Variants in DGKE observed in about 807,000 individuals in gnomAD.
DGKE encodes DAG kinase epsilon.
In DGKE, 53 loss-of-function variants were observed where a neutral mutation model predicts 70.0. That is an observed-to-expected ratio of 0.76 (90% confidence interval 0.61 to 0.95). The LOEUF (loss-of-function observed/expected upper bound fraction) is 0.95, where lower values mean the gene tolerates loss of function less well. Among genes scored for constraint, DGKE ranks in the 40% least tolerant of loss-of-function variants. DGKE has a pLI of 0.00. For synonymous variants in DGKE, 291 were observed against 257.0 expected, an observed-to-expected ratio of 1.13 and a Z score of -1.27; for missense variants, 655 against 706.9, an observed-to-expected ratio of 0.93 and a Z score of 0.83.
intron 1 of DGKE, 119 bp from the exon 2 acceptor site, chr17:56,834,659 C>G: frequency 3.2e-6 from 3 of 945,780 alleles, no homozygotes; most frequent in Non-Finnish European, 4.8e-6. Context: ...CGCAGTCCCG[C>G]CCTCGGGAGA....
intron 3 of DGKE, 96 bp downstream of exon 3, chr17:56,844,274 GC>G: frequency 1.3e-6 from 1 of 781,476 alleles, no homozygotes; most frequent in Non-Finnish European, 1.8e-6. Flanking sequence ...AAGAATTGGT[GC>G]CAGGAATAAA....
At chr17:56,860,115 A>T (rs1178874080) in intron 9 of DGKE, among the ~76,000 whole-genome samples, 1 of 152,138 alleles carries the variant, frequency 6.6e-6, no homozygotes. Context: ...AAAAATACAA[A>T]TTATTTTTAA....
In DGKE at chr17:56,869,430, T is replaced by C. The variant is rs1908662166; in HGVS notation, c.*6639T>C. ...GATTTATCAGTAACGATCTGAAAAA[T>C]GTACTGTGGCATGTAACATCTTTTA... On this transcript the variant is annotated 3_prime_UTR_variant, in exon 12 of 12. Coordinates refer to ENST00000284061, the MANE Select transcript of DGKE (RefSeq NM_003647.3). The C allele has an allele frequency of 6.6e-6, 1 of 152,250 alleles. No individual in the cohort carries two copies. The highest frequency in any genetic ancestry group is 2.4e-5 in the African/African-American group (1 of 41,446). The allele number at this position is 152,250 out of a possible 1,614,324, so 9.4% of individuals were successfully genotyped here. A position where few individuals can be genotyped will look rare whatever the true frequency, so the allele number is the denominator to read the frequency against.
chr17:56,850,211 G>C (rs147547291), intron 7 of DGKE, among the ~76,000 whole-genome samples: 192 of 151,432 alleles, frequency 1.3e-3, no homozygotes, highest in African/African-American at 4.4e-3. Context: ...CTGCAGCCTC[G>C]ACCTCTGGGC....
intron 2 of DGKE, among the ~76,000 whole-genome samples, chr17:56,838,157 C>T (rs2144197738): frequency 6.6e-6 from 1 of 152,308 alleles, no homozygotes; most frequent in African/African-American, 2.4e-5. Flanking sequence ...TTCATTACAT[C>T]TACCCCACGC....
At position 56,835,177 on chromosome 17, in the gene DGKE, AT is replaced by A. The variant is rs1419661611; in HGVS notation, c.383del (p.Ile128ThrfsTer41). Reference sequence around the variant, plus strand: ...CCTGGACGCCATGCCCCACCACTGGATCCGGGGCAACGTGCCCCTGTGCAGT... The same window carrying A: ...CCTGGACGCCATGCCCCACCACTGGACCGGGGCAACGTGCCCCTGTGCAGT... ...KVLDAMPHHW[I>X]RGNVPLCSYC... On this transcript the variant is annotated frameshift_variant, in exon 2 of 12. Transcript: ENST00000284061. LOFTEE classifies it high-confidence loss of function. The A allele has an allele frequency of 6.2e-7, 1 of 1,613,996 alleles. No individual in the cohort carries two copies. The highest frequency in any genetic ancestry group is 8.5e-7 in the Non-Finnish European group (1 of 1,180,044).
intron 2 of DGKE, among the ~76,000 whole-genome samples, chr17:56,839,216 G>A (rs1271055199): frequency 6.6e-6 from 1 of 152,084 alleles, no homozygotes; most frequent in Non-Finnish European, 1.5e-5. Flanking sequence ...TATTGTGGGA[G>A]AAAATGTCAT....
At position 56,856,381 on chromosome 17, in the gene DGKE, A is replaced by G. The variant is rs868192960; in HGVS notation, c.1099-131A>G. On this transcript the variant is annotated intron_variant, in intron 7 of 11. Coordinates refer to ENST00000284061, the MANE Select transcript of DGKE (RefSeq NM_003647.3). The stretch of plus-strand genomic sequence containing the variant: ...GTAACTTCACTGGACAGTATAAAAT[A>G]GCCATGTGAAAAGTAAATGCAGAAA... The G allele has an allele frequency of 1.0e-5, 10 of 984,454 alleles. No homozygotes were observed. The Middle Eastern group carries it at 2.3e-3, about 228-fold the overall frequency. The allele number at this position is 984,454 out of a possible 1,614,324, so 61.0% of individuals were successfully genotyped here. A position where few individuals can be genotyped will look rare whatever the true frequency, so the allele number is the denominator to read the frequency against.
intron 1 of DGKE, 22 bp from the exon 2 acceptor site, chr17:56,834,756 C>T (rs755824151): frequency 4.5e-6 from 7 of 1,541,120 alleles, no homozygotes; most frequent in Non-Finnish European, 6.1e-6. Flanking sequence ...CGGGGTGCAC[C>T]GCCTGTTTCT....
At chr17:56,838,033 G>A (rs890352885) in intron 2 of DGKE, among the ~76,000 whole-genome samples, 1 of 151,850 alleles carries the variant, frequency 6.6e-6, no homozygotes, top group African/African-American at 2.4e-5. Flanking sequence ...AGGGAATTAG[G>A]TTATATTTTT....
intron 7 of DGKE, among the ~76,000 whole-genome samples, chr17:56,855,603 C>T (rs1394017999): frequency 1.3e-5 from 2 of 152,164 alleles, no homozygotes; most frequent in Admixed American, 6.5e-5. Flanking sequence ...TGTGTCCAGC[C>T]ATCCTTAGAA....
chr17:56,848,267 C>T (rs1016721620), intron 5 of DGKE, among the ~76,000 whole-genome samples: 5 of 152,066 alleles, frequency 3.3e-5, no homozygotes, highest in Admixed American at 3.3e-4. Flanking sequence ...AAGCCATCCT[C>T]CCACCTCAGC....
chr17:56,837,501 A>T (rs1906704551), intron 2 of DGKE, among the ~76,000 whole-genome samples: 2 of 152,126 alleles, frequency 1.3e-5, no homozygotes, highest in African/African-American at 4.8e-5. Flanking sequence ...GTAATTTAGG[A>T]GATGTTTATT....
At chr17:56,851,250 C>T (rs1364381001) in intron 7 of DGKE, among the ~76,000 whole-genome samples, 1 of 152,114 alleles carries the variant, frequency 6.6e-6, no homozygotes, top group African/African-American at 2.4e-5. Context: ...TCCCCTAGAT[C>T]ACTTCCCCTT....
chr17:56,857,374 A>G (rs1223871825), intron 8 of DGKE, among the ~76,000 whole-genome samples: 2 of 152,218 alleles, frequency 1.3e-5, no homozygotes, highest in Admixed American at 6.5e-5. Context: ...GCTTTGAACT[A>G]AGGTCATCTC....
chr17:56,849,057 A>G, intron 6 of DGKE, 124 bp from the exon 7 acceptor site: 2 of 1,191,886 alleles, frequency 1.7e-6, no homozygotes, highest in Non-Finnish European at 1.2e-6. Context: ...CTAAATTTGC[A>G]TGCTCATATA....
chr17:56,842,944 AC>A (rs1364740441), intron 2 of DGKE, among the ~76,000 whole-genome samples: 4 of 152,166 alleles, frequency 2.6e-5, no homozygotes, highest in African/African-American at 4.8e-5. Context: ...ACATGTTCTT[AC>A]GTCTATTTCA....
chr17:56,859,096 A>C (rs1908124875), intron 9 of DGKE, among the ~76,000 whole-genome samples: 2 of 151,964 alleles, frequency 1.3e-5, no homozygotes, highest in Non-Finnish European at 2.9e-5. Flanking sequence ...GTTTAAATGG[A>C]AAGTTTAATT....
chr17:56,844,993 T>A (rs1177055134), intron 3 of DGKE, among the ~76,000 whole-genome samples: 1 of 152,172 alleles, frequency 6.6e-6, no homozygotes, highest in Non-Finnish European at 1.5e-5. Flanking sequence ...ACATTTTAAA[T>A]TTTTCAAACA....
Sources: allele counts gnomAD v4.1 joint callset (sites outside exome capture counted in the v4.1 genomes callset), GRCh38; gene constraint gnomAD v4.1.1; transcripts MANE v1.5; gene names NCBI Gene and HGNC (gene_info 2026-07-23, HGNC 2026-07-21).